Variants in AOAH observed in about 807,000 individuals in gnomAD.
The protein encoded by AOAH is acyloxyacyl hydrolase (neutrophil).
A neutral mutation model predicts 92.2 loss-of-function variants in AOAH; 64 were observed. The observed-to-expected ratio is 0.69, with a 90% confidence interval of 0.57 to 0.86. The LOEUF (loss-of-function observed/expected upper bound fraction) is 0.86. AOAH is among the 40% of genes least tolerant of loss of function. AOAH has a pLI of 0.00. For missense variants in AOAH, 656 were observed against 694.6 expected (o/e 0.94, Z 0.62); for synonymous variants, 263 against 254.5 (o/e 1.03, Z -0.32).
chr7:36,616,142 C>A (rs1791862145), intron 11 of AOAH, among the ~76,000 whole-genome samples: 1 of 152,208 alleles, frequency 6.6e-6, no homozygotes. Context: ...CTTCTTGACT[C>A]CCCACTGCTG....
At chr7:36,576,943 T>G (rs1788549583) in intron 12 of AOAH, among the ~76,000 whole-genome samples, 1 of 152,144 alleles carries the variant, frequency 6.6e-6, no homozygotes, top group African/African-American at 2.4e-5. Flanking sequence ...AAATGCTTTT[T>G]ACCAAGAGCT....
intron 3 of AOAH, among the ~76,000 whole-genome samples, chr7:36,671,456 G>T (rs1274994807): frequency 1.3e-5 from 2 of 152,188 alleles, no homozygotes; most frequent in African/African-American, 4.8e-5. Flanking sequence ...TTTCCATCTA[G>T]ATAGCAGCTT....
chr7:36,701,369 A>G (rs1798020746), intron 1 of AOAH, among the ~76,000 whole-genome samples: 1 of 151,648 alleles, frequency 6.6e-6, no homozygotes, highest in Non-Finnish European at 1.5e-5. Context: ...AGAAGAGAGG[A>G]GTGTTGAAAT....
intron 13 of AOAH, among the ~76,000 whole-genome samples, chr7:36,570,255 T>C (rs974242131): frequency 6.7e-6 from 1 of 150,308 alleles, no homozygotes; most frequent in Non-Finnish European, 1.5e-5. Flanking sequence ...GTAAGTGGAA[T>C]CCGGCAGTAT....
Position 36,532,280 on chromosome 7 carries a change from G to T in AOAH, c.1365+6C>A. 6.2e-7 allele frequency: 1 copy of T among 1,614,072 alleles called. No individual in the cohort carries two copies. The highest frequency in any genetic ancestry group is 8.5e-7 in the Non-Finnish European group (1 of 1,179,934). ...CGGGCCTTGAAGCAAGCCAGTGAGTGCTCACCTGGAGGCAGTTCAGGAAGG... is the reference window on the plus strand; with the variant it reads ...CGGGCCTTGAAGCAAGCCAGTGAGTTCTCACCTGGAGGCAGTTCAGGAAGG... On this transcript the variant is annotated splice_donor_region_variant and intron_variant, in intron 17 of 20. Coordinates refer to ENST00000617537, the MANE Select transcript of AOAH (RefSeq NM_001637.4).
At chr7:36,713,180 C>G (rs1429386912) in intron 1 of AOAH, among the ~76,000 whole-genome samples, 2 of 152,100 alleles carry the variant, frequency 1.3e-5, no homozygotes, top group Non-Finnish European at 2.9e-5. Flanking sequence ...GGTTGCAATC[C>G]TAGTCGCTGA....
chr7:36,724,072 G>C lies in AOAH; in HGVS notation c.77C>G (p.Ala26Gly). 3 of 1,613,762 alleles carry C rather than the reference G, an allele frequency of 1.9e-6. No individual in the cohort carries two copies. Among genetic ancestry groups the C allele is most frequent in the Non-Finnish European group, 2.5e-6 (3 of 1,179,774 alleles). The change falls in exon 1 of 21, where the codon GCC (alanine) becomes GGC (glycine). Residue 26 changes from alanine (A) to glycine (G), a missense_variant. Physicochemically the swap from Ala to Gly is moderately conservative, Grantham distance 60. Transcript: ENST00000617537. ...LLSLQSSASP[A>G]NDDQSRPSLS... ...GCTGGGCCTGGACTGGTCATCGTTG[G>C]CTGGAGAGGCCGAGGACTGAAGAGA...
At chr7:36,603,458 C>T (rs758590984) in intron 11 of AOAH, among the ~76,000 whole-genome samples, 1 of 152,220 alleles carries the variant, frequency 6.6e-6, no homozygotes, top group Non-Finnish European at 1.5e-5. Flanking sequence ...CGGCCTTTCT[C>T]TCTTAGGTGT....
intron 3 of AOAH, 110 bp downstream of exon 3, chr7:36,673,833 C>T (rs992340214): frequency 4.2e-6 from 3 of 709,444 alleles, no homozygotes; most frequent in East Asian, 2.8e-5. Flanking sequence ...CACCTCGAGC[C>T]CTGTCCAGAA....
chr7:36,707,549 T>TA (rs1798502468), intron 1 of AOAH, among the ~76,000 whole-genome samples: 1 of 152,138 alleles, frequency 6.6e-6, no homozygotes, highest in Non-Finnish European at 1.5e-5. Flanking sequence ...CTCCAATTTG[T>TA]AAAAAATGCA....
At chr7:36,670,717 C>T (rs1383670489) in intron 3 of AOAH, among the ~76,000 whole-genome samples, 2 of 152,160 alleles carry the variant, frequency 1.3e-5, no homozygotes, top group Non-Finnish European at 2.9e-5. Context: ...CCTCGTGATC[C>T]GCCCGCCTTG....
intron 3 of AOAH, among the ~76,000 whole-genome samples, chr7:36,659,824 T>G (rs577049458): frequency 2.2e-4 from 34 of 151,256 alleles, no homozygotes; most frequent in African/African-American, 6.8e-4. Context: ...GCTCGGCCAT[T>G]ATAACCCCTG....
At chr7:36,720,760 T>A (rs1799572799) in intron 1 of AOAH, among the ~76,000 whole-genome samples, 1 of 151,994 alleles carries the variant, frequency 6.6e-6, no homozygotes, top group South Asian at 2.1e-4. Context: ...AAGACAGACA[T>A]TCTAAAAATC....
intron 16 of AOAH, among the ~76,000 whole-genome samples, chr7:36,536,915 A>G (rs1158057188): frequency 8.3e-6 from 1 of 120,352 alleles, no homozygotes; most frequent in East Asian, 2.9e-4. Context: ...GCACCACTGC[A>G]TTCCAGCCTG....
At chr7:36,710,432 C>T (rs1755489435) in intron 1 of AOAH, among the ~76,000 whole-genome samples, 1 of 152,206 alleles carries the variant, frequency 6.6e-6, no homozygotes, top group South Asian at 2.1e-4. Context: ...AGTCCGGCAA[C>T]TGCAAGGAAC....
Position 36,655,268 on chromosome 7 carries a change from C to A in AOAH, c.390+3898G>T, listed in dbSNP as rs1325353795. On this transcript the variant is annotated intron_variant, in intron 4 of 20. Transcript: ENST00000617537. Reference sequence around the variant, plus strand: ...ATGAATACACATAAAGCATTTAGAACAATGTTAGCACATTATAAGTGCTCA... The same window carrying A: ...ATGAATACACATAAAGCATTTAGAAAAATGTTAGCACATTATAAGTGCTCA... Among the ~76,000 whole-genome samples, 3 of 152,196 alleles carry A rather than the reference C, an allele frequency of 2.0e-5. No individual in the cohort carries two copies. In the East Asian group the frequency reaches 5.8e-4, roughly 29 times the overall value.
intron 11 of AOAH, among the ~76,000 whole-genome samples, chr7:36,603,013 G>A (rs1266854591): frequency 6.6e-6 from 1 of 152,068 alleles, no homozygotes; most frequent in Admixed American, 6.5e-5. Context: ...GCAACCTCTG[G>A]CCAGGGGCCC....
chr7:36,708,938 G>A (rs778975984), intron 1 of AOAH, among the ~76,000 whole-genome samples: 123 of 152,254 alleles, frequency 8.1e-4, no homozygotes, highest in Middle Eastern at 3.4e-3. Flanking sequence ...ATCGATCCAC[G>A]TGTGAGCTAG....
intron 13 of AOAH, among the ~76,000 whole-genome samples, chr7:36,574,850 C>T (rs1381998846): frequency 3.3e-5 from 5 of 152,134 alleles, no homozygotes; most frequent in Admixed American, 6.6e-5. Context: ...CCTACGTATA[C>T]CTTTTTTTTC....
Sources: gnomAD v4.1 joint callset for allele counts (sites outside exome capture counted in the v4.1 genomes callset) on GRCh38, gnomAD v4.1.1 for gene constraint, MANE v1.5 for transcripts, NCBI Gene and HGNC (gene_info 2026-07-23, HGNC 2026-07-21) for gene names.